The following TMEM54 variants were observed in gnomAD, a reference collection of about 807,000 sequenced individuals.
The protein encoded by TMEM54 is beta-casein-like protein.
Under a neutral mutation model 21.3 loss-of-function variants are expected in TMEM54, and 21 were observed. The observed-to-expected ratio is 0.99, with a 90% CI of 0.70 to 1.42. The LOEUF is 1.42. Among genes scored for constraint, TMEM54 ranks in the 40% most tolerant of loss-of-function variants. The pLI is 0.00. For synonymous variants in TMEM54, 109 were observed against 125.0 expected (o/e 0.87, Z 0.86); for missense variants, 246 against 294.0 (o/e 0.84, Z 1.19).
chr1:32,901,242 G>C lies in TMEM54; in HGVS notation c.-4C>G. 1 of 1,460,684 alleles carries C rather than the reference G, an allele frequency of 6.8e-7. No homozygotes were observed. Among genetic ancestry groups the C allele is most frequent in the Non-Finnish European group, 9.1e-7 (1 of 1,093,084 alleles). 90.5% of individuals were successfully genotyped at this position (1,460,684 alleles called of 1,614,324 possible). ...GCTCACCGAGGCGCAGACACATGTC[G>C]GCTCCGCGCTGGTCCCGCCCCCGGC... is the stretch of plus-strand genomic sequence containing the variant. On this transcript the variant is annotated 5_prime_UTR_variant, in exon 1 of 6. Transcript: ENST00000373463. This position sits in a 1 kb window ranked among gnomAD's most constrained non-coding sequence, Gnocchi z 4.2.
At position 32,895,368 on chromosome 1, in the gene TMEM54, A is replaced by C. The variant is rs778826833; in HGVS notation, c.531T>G (p.Cys177Trp). 5.0e-6 allele frequency: 8 copies of C among 1,613,958 alleles called. No homozygotes were observed. In the African/African-American group the frequency reaches 1.1e-4, roughly 22 times the overall value. ...CCAGCAGCTGGTGGGTGAGCTGAGC[A>C]CAGCGTACAGCAAACACGTTCTCCG... ...CVAENVFAVRCAQLTHQLLEL... is the reference protein window; with the variant it reads ...CVAENVFAVRWAQLTHQLLEL... The change falls in exon 5 of 6, where the codon TGT (cysteine) becomes TGG (tryptophan). Residue 177 changes from cysteine to tryptophan, a missense_variant. Transcript: ENST00000373463. This position sits in a 1 kb window ranked among gnomAD's most constrained non-coding sequence, Gnocchi z 5.8.
At chr1:32,900,549 C>A (rs1641701926) in intron 1 of TMEM54, among the ~76,000 whole-genome samples, 1 of 152,190 alleles carries the variant, frequency 6.6e-6, no homozygotes, top group African/African-American at 2.4e-5. Context: ...CGCATAGCAG[C>A]GCAGCCGGCA....
Position 32,894,887 on chromosome 1 carries a change from G to A in TMEM54, c.595-8C>T. 6.2e-7 allele frequency: 1 copy of A among 1,607,368 alleles called. No homozygotes were observed. On this transcript the variant is annotated splice_polypyrimidine_tract_variant and splice_region_variant and intron_variant, in intron 5 of 5. Coordinates refer to ENST00000373463, the MANE Select transcript of TMEM54 (RefSeq NM_033504.4). The stretch of plus-strand genomic sequence containing the variant: ...CTCTGGGTTCTCCCGCATCTGCAGA[G>A]ACACAGGAGGCTGCCAGACCCACTG...
rs576451726 is a variant in TMEM54, at chr1:32,896,820, C to T, written c.211-851G>A. Among the ~76,000 whole-genome samples, 1 of 152,276 alleles carries T rather than the reference C, an allele frequency of 6.6e-6. No individual in the cohort carries two copies. Among genetic ancestry groups the T allele is most frequent in the Non-Finnish European group, 1.5e-5 (1 of 68,048 alleles). ...TCTTTAGTTCACATGAGAGCCACAA[C>T]AGAGTGCCTCATCTCTGTGGGCTTA... On this transcript the variant is annotated intron_variant, in intron 2 of 5. Coordinates refer to ENST00000373463, the MANE Select transcript of TMEM54 (RefSeq NM_033504.4). This position sits in a 1 kb window ranked among gnomAD's most constrained non-coding sequence, Gnocchi z 4.1.
At position 32,896,264 on chromosome 1, in the gene TMEM54, G is replaced by A. The variant is rs929047234; in HGVS notation, c.211-295C>T. 4 of 315,592 alleles carry A rather than the reference G, an allele frequency of 1.3e-5. No homozygotes were observed. The highest frequency in any genetic ancestry group is 8.6e-5 in the African/African-American group (4 of 46,648). 19.5% of individuals were successfully genotyped at this position (315,592 alleles called of 1,614,324 possible). On this transcript the variant is annotated intron_variant, in intron 2 of 5. Coordinates refer to ENST00000373463, the MANE Select transcript of TMEM54 (RefSeq NM_033504.4). The surrounding 1 kb of genome is among the most constrained non-coding windows in gnomAD (Gnocchi z 4.1). ...TCCTGGGGCCACCGGGGCATGCCAG[G>A]GTATGCATGGGACACCCCTTTCTGG...
chr1:32,898,973 G>A (rs568333936), intron 1 of TMEM54, among the ~76,000 whole-genome samples: 1 of 152,296 alleles, frequency 6.6e-6, no homozygotes, highest in African/African-American at 2.4e-5. Flanking sequence ...GGATGGGAAA[G>A]TGTGGTGTAC....
chr1:32,896,115 C>T lies in TMEM54; in HGVS notation c.211-146G>A, dbSNP rs1409706129. ...CCCCTCACCTGCTGCTTAGCCTGGG[C>T]CTCACATCTCCATCTGCCTCCTCAT... On this transcript the variant is annotated intron_variant, in intron 2 of 5. Transcript: ENST00000373463. This position sits in a 1 kb window ranked among gnomAD's most constrained non-coding sequence, Gnocchi z 4.1. 5.2e-6 allele frequency: 4 copies of T among 770,290 alleles called. No homozygotes were observed. Among genetic ancestry groups the T allele is most frequent in the Middle Eastern group, 3.4e-4 (1 of 2,928 alleles). 47.7% of individuals were successfully genotyped at this position (770,290 alleles called of 1,614,324 possible).
At position 32,899,391 on chromosome 1, in the gene TMEM54, GAA is replaced by G. The variant is rs11284140; in HGVS notation, c.17-1074_17-1073del. On this transcript the variant is annotated intron_variant, in intron 1 of 5. Coordinates refer to ENST00000373463, the MANE Select transcript of TMEM54 (RefSeq NM_033504.4). ...TTTAATATACGGTAGCTCTGCAGCT[GAA>G]AAAAAAAAAAAAAAAGAAAAAAAGA... Among the ~76,000 whole-genome samples, 918 of 122,960 alleles carry G rather than the reference GAA, an allele frequency of 7.5e-3. 7 individuals carry two copies. The highest frequency in any genetic ancestry group is 0.027 in the East Asian group (117 of 4,318). The allele number at this position is 122,960 out of a possible 152,430, so 80.7% of individuals were successfully genotyped here. A position where few individuals can be genotyped will look rare whatever the true frequency, so the allele number is the denominator to read the frequency against.
In TMEM54 at chr1:32,897,281, A is replaced by G. The variant is rs1051332571; in HGVS notation, c.210+845T>C. On this transcript the variant is annotated intron_variant, in intron 2 of 5. Coordinates refer to ENST00000373463, the MANE Select transcript of TMEM54 (RefSeq NM_033504.4). This position sits in a 1 kb window ranked among gnomAD's most constrained non-coding sequence, Gnocchi z 4.9. ...TCTGAGCTTTATTTTGCAAGGGAGG[A>G]ACAGGCCTAGAGAGAGAAATAAGTC... Among the ~76,000 whole-genome samples the G allele has an allele frequency of 6.6e-6, 1 of 152,180 alleles. No individual in the cohort carries two copies. Among genetic ancestry groups the G allele is most frequent in the African/African-American group, 2.4e-5 (1 of 41,428 alleles).
chr1:32,895,432 C>A lies in TMEM54; in HGVS notation c.467G>T (p.Ser156Ile). The A allele has an allele frequency of 6.2e-7, 1 of 1,611,256 alleles. No homozygotes were observed. ...TAGGGCGATGCCCCAGAGGCACAGG[C>A]TGGAGCTCTGCGGGGCATGGGGCAG... The part of the protein sequence containing the change: ...PFDPTRIYSS[S>I]LCLWGIALVL... The change falls in exon 5 of 6, where the codon AGC (serine) becomes ATC (isoleucine). Residue 156 changes from serine (S) to isoleucine (I), a missense_variant. By Grantham distance (142) the Ser-to-Ile change is moderately radical (BLOSUM62 -2). Transcript: ENST00000373463. This position sits in a 1 kb window ranked among gnomAD's most constrained non-coding sequence, Gnocchi z 5.8.
chr1:32,899,000 A>G (rs988291875), intron 1 of TMEM54, among the ~76,000 whole-genome samples: 9 of 152,170 alleles, frequency 5.9e-5, no homozygotes, highest in Non-Finnish European at 1.3e-4. Context: ...GGTACTGGGA[A>G]AAGCAAGCTC....
In TMEM54 at chr1:32,898,474, CCT is replaced by C. The variant is rs1319641755; in HGVS notation, c.17-157_17-156del. The C allele has an allele frequency of 4.4e-6, 3 of 685,292 alleles. No homozygotes were observed. The African/African-American group carries it at 5.4e-5, about 12-fold the overall frequency. The allele number at this position is 685,292 out of a possible 1,614,324, so 42.5% of individuals were successfully genotyped here. Reference sequence around the variant, plus strand: ...ACTTGTCTTCTTTGAGCCTTGGTCTCCTCATCCATAAAAGGGGTTCGGGATGC... The same window carrying C: ...ACTTGTCTTCTTTGAGCCTTGGTCTCCATCCATAAAAGGGGTTCGGGATGC... On this transcript the variant is annotated intron_variant, in intron 1 of 5. Coordinates refer to ENST00000373463, the MANE Select transcript of TMEM54 (RefSeq NM_033504.4).
rs1249311954 is a variant in TMEM54 at position 32,895,937 on chromosome 1, C to T, written c.243G>A (p.Leu81=). 3 of 1,613,418 alleles carry T rather than the reference C, an allele frequency of 1.9e-6. No homozygotes were observed. Among genetic ancestry groups the T allele is most frequent in the Middle Eastern group, 1.7e-4 (1 of 6,058 alleles). ...VITSGIAAIV[L]SRYLPSTPLR... is the part of the protein sequence containing the mutation. The stretch of plus-strand genomic sequence containing the variant: ...GGGGGGTGCTAGGGAGGTAGCGTGA[C>T]AACACGATGGCTGCGATGCCTGAAG... Residue 81 remains leucine, a synonymous_variant, in exon 3 of 6, where the codon TTG becomes TTA. Transcript: ENST00000373463. The surrounding 1 kb of genome is among the most constrained non-coding windows in gnomAD (Gnocchi z 5.8).
chr1:32,894,770 C>G lies in TMEM54; in HGVS notation c.*35G>C. Reference sequence around the variant, plus strand: ...ACAGAGCAGAGTTGCTTGCAGGGTCCTAGTGGCCATCGGGCCTGGGCAGGA... The same window carrying G: ...ACAGAGCAGAGTTGCTTGCAGGGTCGTAGTGGCCATCGGGCCTGGGCAGGA... On this transcript the variant is annotated 3_prime_UTR_variant, in exon 6 of 6. Transcript: ENST00000373463. The G allele has an allele frequency of 1.9e-6, 3 of 1,600,154 alleles. No homozygotes were observed. In the South Asian group the frequency reaches 3.3e-5, roughly 18 times the overall value.
intron 1 of TMEM54, among the ~76,000 whole-genome samples, chr1:32,898,789 T>C (rs1557547569): frequency 6.6e-6 from 1 of 152,188 alleles, no homozygotes; most frequent in Non-Finnish European, 1.5e-5. Flanking sequence ...GGGCCCTGCT[T>C]GGTACTCAGA....
At position 32,896,034 on chromosome 1, in the gene TMEM54, G is replaced by A; in HGVS notation, c.211-65C>T. On this transcript the variant is annotated intron_variant, in intron 2 of 5. Transcript: ENST00000373463. This position sits in a 1 kb window ranked among gnomAD's most constrained non-coding sequence, Gnocchi z 4.1. ...GAGGAACAGGGGCAGGGGGATCAGG[G>A]CCACTCTGGGATAATGATCTCACCG... The A allele has an allele frequency of 6.5e-7, 1 of 1,549,262 alleles. No individual in the cohort carries two copies. The highest frequency in any genetic ancestry group is 8.8e-7 in the Non-Finnish European group (1 of 1,139,096).
chr1:32,898,270 C>G lies in TMEM54; in HGVS notation c.66G>C (p.Leu22=). 6.2e-7 allele frequency: 1 copy of G among 1,612,672 alleles called. No individual in the cohort carries two copies. Among genetic ancestry groups the G allele is most frequent in the Non-Finnish European group, 8.5e-7 (1 of 1,178,792 alleles). ...TCACATGGCCCAGCACCACCAGCAC[C>G]AGGCCTGTCTTCATCAGCACCTTCC... ...DFRKVLMKTG[L]VLVVLGHVSF... Residue 22 remains leucine (L), a synonymous_variant, in exon 2 of 6, where the codon CTG becomes CTC. Coordinates refer to ENST00000373463, the MANE Select transcript of TMEM54 (RefSeq NM_033504.4).
At chr1:32,898,082 C>A in intron 2 of TMEM54, 44 bp downstream of exon 2, 1 of 1,555,146 alleles carries the variant, frequency 6.4e-7, no homozygotes, top group South Asian at 1.2e-5. Context: ...CTTCAAGCCC[C>A]CTCCAGCCTC....
At position 32,896,193 on chromosome 1, in the gene TMEM54, C is replaced by G; in HGVS notation, c.211-224G>C. 1 of 499,290 alleles carries G rather than the reference C, an allele frequency of 2.0e-6. No individual in the cohort carries two copies. Among genetic ancestry groups the G allele is most frequent in the Non-Finnish European group, 3.6e-6 (1 of 281,326 alleles). The allele number at this position is 499,290 out of a possible 1,614,324, so 30.9% of individuals were successfully genotyped here. A position where few individuals can be genotyped will look rare whatever the true frequency, so the allele number is the denominator to read the frequency against. On this transcript the variant is annotated intron_variant, in intron 2 of 5. Transcript: ENST00000373463. This position sits in a 1 kb window ranked among gnomAD's most constrained non-coding sequence, Gnocchi z 4.1. Reference sequence around the variant, plus strand: ...ACAGTCACTCCCTCTCTACAACCTTCCATGAGTCCCCACTCCTAAGCCTGT... The same window carrying G: ...ACAGTCACTCCCTCTCTACAACCTTGCATGAGTCCCCACTCCTAAGCCTGT...
Sources: allele counts gnomAD v4.1 joint callset (sites outside exome capture counted in the v4.1 genomes callset), GRCh38; gene constraint gnomAD v4.1.1; non-coding constraint Gnocchi (gnomAD v3.1); transcripts MANE v1.5; gene names NCBI Gene and HGNC (gene_info 2026-07-23, HGNC 2026-07-21).